Variants in CDH18 observed in about 807,000 individuals in gnomAD.
The protein encoded by CDH18 is cadherin-18.
A neutral mutation model predicts 67.9 loss-of-function variants in CDH18; 31 were observed. The observed-to-expected ratio is 0.46, with a 90% CI of 0.34 to 0.62. CDH18 has a LOEUF of 0.62. CDH18 is among the 20% of genes least tolerant of loss of function. The pLI is 0.01. For missense variants in CDH18, 890 were observed against 975.5 expected (o/e 0.91, Z 1.17); for synonymous variants, 362 against 347.2 (o/e 1.04, Z -0.48).
At chr5:20,051,353 A>G (rs1272899950) in intron 2 of CDH18, among the ~76,000 whole-genome samples, 1 of 151,926 alleles carries the variant, frequency 6.6e-6, no homozygotes, top group Non-Finnish European at 1.5e-5. Context: ...GATAGCAGTC[A>G]GTTTTTGTGA....
Position 19,543,937 on chromosome 5 carries a change from C to T in CDH18, c.1322G>A (p.Arg441Lys), listed in dbSNP as rs141966139. 6.3e-7 allele frequency: 1 copy of T among 1,597,336 alleles called. No individual in the cohort carries two copies. Among genetic ancestry groups the T allele is most frequent in the Non-Finnish European group, 8.6e-7 (1 of 1,167,760 alleles). Residue 441 changes from arginine to lysine, a missense_variant, in exon 9 of 13, where the codon AGG becomes AAG. Around this residue, in one of 2 missense-constraint regions of CDH18, gnomAD observed 656 missense variants for 668.1 expected, o/e 0.98. Coordinates refer to ENST00000382275, the MANE Select transcript of CDH18 (RefSeq NM_004934.5). ...TTCTCTGTCGAGAACCTTTGTAGTC[C>T]TAATGGTCCCAGTATTGGCATCAAT... is the stretch of plus-strand genomic sequence containing the variant. ...FNIDANTGTI[R>K]TTKVLDREET...
chr5:20,571,222 T>C (rs979360886), intron 1 of CDH18, among the ~76,000 whole-genome samples: 8 of 152,156 alleles, frequency 5.3e-5, no homozygotes, highest in African/African-American at 1.4e-4. Flanking sequence ...ATATATCCCT[T>C]TCATTGTTAT....
intron 8 of CDH18, among the ~76,000 whole-genome samples, chr5:19,565,225 A>G (rs347711): frequency 0.094 from 14,229 of 152,144 alleles, 773 homozygotes; most frequent in African/African-American, 0.15. Context: ...TTAGTAATCA[A>G]TGGTCTTGGG....
chr5:19,489,494 C>A (rs536104219), intron 11 of CDH18, among the ~76,000 whole-genome samples: 19 of 151,952 alleles, frequency 1.3e-4, no homozygotes, highest in East Asian at 5.8e-4. Context: ...TGATCTGCCC[C>A]CCTTGGCCTC....
In CDH18 at chr5:20,308,754, T is replaced by G. The variant is rs967210138; in HGVS notation, c.-579-53249A>C. On this transcript the variant is annotated intron_variant, in intron 1 of 14. Coordinates refer to the CDH18 transcript ENST00000507958. ...TCTAAATCATTAAGTTCCAAGAATT[T>G]GGTAGGCAATGACCTAACTCATTTC... Among the ~76,000 whole-genome samples the G allele has an allele frequency of 2.6e-5, 4 of 152,188 alleles. No homozygotes were observed. In the East Asian group the frequency reaches 7.7e-4, roughly 29 times the overall value.
intron 7 of CDH18, among the ~76,000 whole-genome samples, chr5:19,590,349 C>T (rs180879608): frequency 2.6e-4 from 39 of 151,848 alleles, no homozygotes; most frequent in African/African-American, 8.9e-4. Context: ...TTAGAACTTC[C>T]CCATGGTAGT....
intron 1 of CDH18, among the ~76,000 whole-genome samples, chr5:20,279,917 C>T (rs1485026547): frequency 6.6e-6 from 1 of 151,844 alleles, no homozygotes; most frequent in African/African-American, 2.4e-5. Context: ...CTTCAGAATA[C>T]ACATTGTTCT....
At chr5:20,231,689 T>G (rs1410085592) in intron 2 of CDH18, among the ~76,000 whole-genome samples, 2 of 151,992 alleles carry the variant, frequency 1.3e-5, no homozygotes, top group Admixed American at 6.6e-5. Context: ...TTACAAATTT[T>G]GAAATAAGGT....
At chr5:20,560,672 A>G (rs1004959288) in intron 1 of CDH18, among the ~76,000 whole-genome samples, 6 of 152,032 alleles carry the variant, frequency 3.9e-5, no homozygotes, top group Non-Finnish European at 8.8e-5. Flanking sequence ...TTCTATTTAG[A>G]GCTGCTCTAA....
At chr5:20,394,812 G>T (rs1243191738) in intron 1 of CDH18, among the ~76,000 whole-genome samples, 1 of 151,660 alleles carries the variant, frequency 6.6e-6, no homozygotes, top group Non-Finnish European at 1.5e-5. Flanking sequence ...CATACAAATG[G>T]CCAACAAACA....
At chr5:19,840,074 C>T (rs1782103969) in intron 2 of CDH18, among the ~76,000 whole-genome samples, 1 of 148,800 alleles carries the variant, frequency 6.7e-6, no homozygotes, top group Non-Finnish European at 1.5e-5. Flanking sequence ...CTGGCTAGTA[C>T]AGTGAAACCC....
At chr5:19,615,967 T>G (rs1749761048) in intron 5 of CDH18, among the ~76,000 whole-genome samples, 1 of 152,126 alleles carries the variant, frequency 6.6e-6, no homozygotes, top group Non-Finnish European at 1.5e-5. Context: ...CAAGTTTCAG[T>G]GATTAGAAAG....
At chr5:19,777,017 C>T (rs1199939235) in intron 3 of CDH18, among the ~76,000 whole-genome samples, 2 of 152,134 alleles carry the variant, frequency 1.3e-5, no homozygotes, top group Non-Finnish European at 2.9e-5. Context: ...ATATGGCTCA[C>T]ACCTGTAATC....
intron 1 of CDH18, among the ~76,000 whole-genome samples, chr5:20,340,676 T>A (rs1740180532): frequency 6.6e-6 from 1 of 152,032 alleles, no homozygotes. Context: ...GCTATTACCA[T>A]CTAGGAGCCT....
At chr5:20,047,672 T>A (rs77894050) in intron 2 of CDH18, among the ~76,000 whole-genome samples, 1,740 of 151,894 alleles carry the variant, frequency 0.011, 38 homozygotes, top group African/African-American at 0.04. Context: ...CTGCTATTCA[T>A]TACAGAAAAG....
chr5:19,936,382 A>G (rs1222263104), intron 2 of CDH18, among the ~76,000 whole-genome samples: 1 of 151,292 alleles, frequency 6.6e-6, no homozygotes, highest in Non-Finnish European at 1.5e-5. Context: ...CAAAATGTTG[A>G]GGAAAGCCAT....
rs192894736 is a variant in CDH18 at position 20,154,412 on chromosome 5, T to A, written c.-518+101032A>T. On this transcript the variant is annotated intron_variant, in intron 2 of 14. Coordinates refer to the CDH18 transcript ENST00000507958. ...CCTGTGGGATGGATGTGAAAATTTA[T>A]TCTCTTTTTCTTCTTATTCATGAGC... Among the ~76,000 whole-genome samples the A allele has an allele frequency of 7.9e-5, 12 of 152,290 alleles. No individual in the cohort carries two copies. In the East Asian group the frequency reaches 2.1e-3, roughly 27 times the overall value.
chr5:20,375,933 T>G (rs73766035), intron 1 of CDH18, among the ~76,000 whole-genome samples: 3,589 of 151,930 alleles, frequency 0.024, 138 homozygotes, highest in African/African-American at 0.08. Context: ...AAAAAGCTAG[T>G]AAATTTGACA....
At chr5:19,669,065 G>C (rs1023136491) in intron 5 of CDH18, among the ~76,000 whole-genome samples, 7 of 148,596 alleles carry the variant, frequency 4.7e-5, no homozygotes, top group African/African-American at 1.7e-4. Context: ...TAAATATTCA[G>C]AGCATAATGA....
Sources: allele counts gnomAD v4.1 joint callset (sites outside exome capture counted in the v4.1 genomes callset), GRCh38; gene constraint gnomAD v4.1.1; regional missense constraint gnomAD v4.1.1; transcripts MANE v1.5; gene names NCBI Gene and HGNC (gene_info 2026-07-23, HGNC 2026-07-21).